MCOLN3: variants seen among roughly 807,000 people sequenced by gnomAD.
MCOLN3 encodes mucolipin TRP cation channel 3, also known as mucolipin-3.
MCOLN3 carries 62 observed loss-of-function variants against 69.4 expected under a neutral mutation model. The observed-to-expected ratio is 0.89, with a 90% CI of 0.73 to 1.10. The LOEUF (loss-of-function observed/expected upper bound fraction) is 1.10, where lower values mean the gene tolerates loss of function less well. Among genes scored for constraint, MCOLN3 ranks in the 50% least tolerant of loss-of-function variants. The pLI, the probability that MCOLN3 is intolerant of heterozygous loss-of-function variation, is 0.00. For synonymous variants in MCOLN3, 183 were observed against 217.0 expected, an observed-to-expected ratio of 0.84 and a Z score of 1.38; for missense variants, 564 against 656.4, an observed-to-expected ratio of 0.86 and a Z score of 1.54.
At chr1:85,038,885 C>T (rs760138933) in intron 3 of MCOLN3, among the ~76,000 whole-genome samples, 4 of 152,064 alleles carry the variant, frequency 2.6e-5, no homozygotes, top group Non-Finnish European at 5.9e-5. Flanking sequence ...ATCCCAGCTA[C>T]TCAGGAGGCT....
rs1420605807 is a variant in MCOLN3, at chr1:85,032,874, G to A, written c.633C>T (p.His211=). ...ACACTCCTGTCTGCTCCCCTCACCTGTGGAAGTCCAGTGTTAAGTTCAGTT... is the reference window on the plus strand; with the variant it reads ...ACACTCCTGTCTGCTCCCCTCACCTATGGAAGTCCAGTGTTAAGTTCAGTT... ...ENKLNLTLDF[H]RLLTVELQFK... The change falls in exon 5 of 13, where the codon CAC becomes CAT. Residue 211 remains histidine (H), a splice_region_variant and synonymous_variant. Coordinates refer to ENST00000370589, the MANE Select transcript of MCOLN3 (RefSeq NM_018298.11). 3.1e-6 allele frequency: 5 copies of A among 1,614,026 alleles called. No individual in the cohort carries two copies. The highest frequency in any genetic ancestry group is 3.4e-6 in the Non-Finnish European group (4 of 1,180,016).
intron 9 of MCOLN3, chr1:85,022,885 G>GT (rs1652019107): frequency 6.5e-6 from 1 of 153,420 alleles, no homozygotes; most frequent in African/African-American, 2.4e-5. Flanking sequence ...CACTCACCAA[G>GT]TTTGTCTTTT....
rs1374798819 is a variant in MCOLN3 at position 85,022,207 on chromosome 1, G to C, written c.1198-15C>G. On this transcript the variant is annotated splice_polypyrimidine_tract_variant and intron_variant, in intron 10 of 12. Coordinates refer to ENST00000370589, the MANE Select transcript of MCOLN3 (RefSeq NM_018298.11). The stretch of plus-strand genomic sequence containing the variant: ...AAAATGAGGAGCTGGGAAAGTAAGA[G>C]AGGCCATTAGAATGGTTTTGTCCTT... 1.2e-6 allele frequency: 2 copies of C among 1,613,972 alleles called. No homozygotes were observed. The highest frequency in any genetic ancestry group is 1.7e-6 in the Non-Finnish European group (2 of 1,179,926).
chr1:85,048,331 C>G (rs1653495729), intron 1 of MCOLN3, 65 bp downstream of exon 1: 1 of 151,908 alleles, frequency 6.6e-6, no homozygotes, highest in African/African-American at 2.4e-5. Context: ...CCCGGCCCTC[C>G]CTGTGCGCCG....
intron 3 of MCOLN3, among the ~76,000 whole-genome samples, chr1:85,036,358 A>AT (rs1652803191): frequency 1.3e-5 from 2 of 151,942 alleles, no homozygotes; most frequent in African/African-American, 4.8e-5. Context: ...CACCCGGCTA[A>AT]TTTTTTTGTA....
Position 85,032,781 on chromosome 1 carries a change from A to C in MCOLN3, c.647T>G (p.Val216Gly). ...GGCTTTCAGTTTAAACTGAAGCTCC[A>C]CTGTTAGGAGTCTAGAAAACAGAGG... ...LTLDFHRLLT[V>G]ELQFKLKAIN... is the part of the protein sequence containing the mutation. The change falls in exon 6 of 13, where the codon GTG becomes GGG. Residue 216 changes from valine (V) to glycine (G), a missense_variant. Val to Gly is a moderately radical substitution (Grantham distance 109). Coordinates refer to ENST00000370589, the MANE Select transcript of MCOLN3 (RefSeq NM_018298.11). 3 of 1,614,038 alleles carry C rather than the reference A, an allele frequency of 1.9e-6. No individual in the cohort carries two copies. Among genetic ancestry groups the C allele is most frequent in the Non-Finnish European group, 2.5e-6 (3 of 1,179,854 alleles).
intron 2 of MCOLN3, 111 bp from the exon 3 acceptor site, chr1:85,041,288 T>C: frequency 1.2e-6 from 1 of 853,752 alleles, no homozygotes; most frequent in South Asian, 2.2e-5. Flanking sequence ...ATGAATTCTC[T>C]GGGACATCAA....
chr1:85,027,207 A>G (rs570897746), intron 7 of MCOLN3, among the ~76,000 whole-genome samples: 12 of 152,244 alleles, frequency 7.9e-5, no homozygotes, highest in Non-Finnish European at 1.5e-4. Flanking sequence ...ATTCTACTAC[A>G]AAGAAGTAAA....
chr1:85,025,003 A>G (rs1037227012), intron 9 of MCOLN3: 4 of 152,270 alleles, frequency 2.6e-5, no homozygotes, highest in Admixed American at 1.3e-4. Flanking sequence ...TCTTGAGCCA[A>G]GCCATCAGTC....
chr1:85,025,588 T>TAA (rs34065139), intron 9 of MCOLN3: 36 of 158,056 alleles, frequency 2.3e-4, no homozygotes, highest in Non-Finnish European at 3.8e-4. Flanking sequence ...CTTGTAAGAT[T>TAA]AAAAAAAAAA....
In MCOLN3 at chr1:85,022,180, T is replaced by C. The variant is rs1311151653; in HGVS notation, c.1210A>G (p.Thr404Ala). 12 of 1,613,742 alleles carry C rather than the reference T, an allele frequency of 7.4e-6. No individual in the cohort carries two copies. The highest frequency in any genetic ancestry group is 9.3e-6 in the Non-Finnish European group (11 of 1,179,928). Residue 404 changes from threonine (T) to alanine (A), a missense_variant, in exon 11 of 13, where the codon ACC becomes GCC. Coordinates refer to ENST00000370589, the MANE Select transcript of MCOLN3 (RefSeq NM_018298.11). ...FFAKYNLLIL[T>A]LQAALPNVIR... is the part of the protein sequence containing the mutation. Reference sequence around the variant, plus strand: ...ACATTGGGCAGCGCTGCCTGAAGGGTCAAAATGAGGAGCTGGGAAAGTAAG... The same window carrying C: ...ACATTGGGCAGCGCTGCCTGAAGGGCCAAAATGAGGAGCTGGGAAAGTAAG...
At chr1:85,022,844 G>C (rs1652017234) in intron 9 of MCOLN3, 1 of 170,270 alleles carries the variant, frequency 5.9e-6, no homozygotes, top group Non-Finnish European at 1.2e-5. Context: ...GTGAGCAATA[G>C]AAAGGGTATA....
intron 2 of MCOLN3, among the ~76,000 whole-genome samples, chr1:85,043,913 C>A (rs1459982251): frequency 6.6e-6 from 1 of 151,674 alleles, no homozygotes; most frequent in Non-Finnish European, 1.5e-5. Flanking sequence ...ATCACCACAC[C>A]TGGCTTATTT....
Position 85,041,152 on chromosome 1 carries a change from T to C in MCOLN3, c.254A>G (p.Gln85Arg). 1 of 1,613,786 alleles carries C rather than the reference T, an allele frequency of 6.2e-7. No individual in the cohort carries two copies. Among genetic ancestry groups the C allele is most frequent in the Non-Finnish European group, 8.5e-7 (1 of 1,179,938 alleles). The change falls in exon 3 of 13, where the codon CAG becomes CGG. Residue 85 changes from glutamine to arginine, a missense_variant. Coordinates refer to ENST00000370589, the MANE Select transcript of MCOLN3 (RefSeq NM_018298.11). ...IQLVLFGLSN[Q>R]MVVAFKEENT... Reference sequence around the variant, plus strand: ...CTCTTCCTTGAAAGCTACCACCATCTGGTTACTTAGCCCAAATAAGACCAG... The same window carrying C: ...CTCTTCCTTGAAAGCTACCACCATCCGGTTACTTAGCCCAAATAAGACCAG...
rs1194756943 is a variant in MCOLN3 at position 85,021,997 on chromosome 1, GA to G, written c.1320+72del. 3.1e-5 allele frequency: 47 copies of G among 1,531,014 alleles called. 1 individual carries two copies. The highest frequency in any genetic ancestry group is 4.3e-5 in the Admixed American group (2 of 46,526). The allele number at this position is 1,531,014 out of a possible 1,614,324, so 94.8% of individuals were successfully genotyped here. ...AATCACAAAATAAAAGGAGTTCATT[GA>G]AAAAGGATAACAAGCCACTGGCACT... On this transcript the variant is annotated intron_variant, in intron 11 of 12. Coordinates refer to ENST00000370589, the MANE Select transcript of MCOLN3 (RefSeq NM_018298.11).
At chr1:85,043,841 C>CT (rs550836893) in intron 2 of MCOLN3, among the ~76,000 whole-genome samples, 2,787 of 142,134 alleles carry the variant, frequency 0.02, 64 homozygotes, top group African/African-American at 0.057. Flanking sequence ...AGCCATGTGA[C>CT]TTTTTTTTTT....
chr1:85,041,994 C>A (rs1225048207), intron 2 of MCOLN3, among the ~76,000 whole-genome samples: 1 of 150,312 alleles, frequency 6.7e-6, no homozygotes, highest in Non-Finnish European at 1.5e-5. Context: ...CACACAGGCA[C>A]ACACACACAC....
chr1:85,045,981 T>C (rs1230559597), intron 1 of MCOLN3, among the ~76,000 whole-genome samples: 1 of 152,188 alleles, frequency 6.6e-6, no homozygotes, highest in African/African-American at 2.4e-5. Context: ...TGGGAATAAC[T>C]ACACCTACCC....
At chr1:85,031,127 T>C (rs1455410311) in intron 6 of MCOLN3, among the ~76,000 whole-genome samples, 1 of 151,882 alleles carries the variant, frequency 6.6e-6, no homozygotes, top group African/African-American at 2.4e-5. Context: ...AAAAACTAGC[T>C]GGGCGTGGTA....
Sources: allele counts gnomAD v4.1 joint callset (sites outside exome capture counted in the v4.1 genomes callset), GRCh38; gene constraint gnomAD v4.1.1; transcripts MANE v1.5; gene names NCBI Gene and HGNC (gene_info 2026-07-23, HGNC 2026-07-21).